UVRAG: variants seen among roughly 807,000 people sequenced by gnomAD.
UVRAG encodes UV radiation resistance-associated gene protein.
In UVRAG, 19 loss-of-function variants were observed where a neutral mutation model predicts 78.0. That is an observed-to-expected ratio of 0.24 (90% CI 0.17 to 0.36). The LOEUF (loss-of-function observed/expected upper bound fraction) is 0.36, where lower values mean the gene tolerates loss of function less well. UVRAG is among the 10% of genes least tolerant of loss of function. UVRAG has a pLI of 1.00. For missense variants in UVRAG, 740 were observed against 853.8 expected (o/e 0.87, Z 1.66); for synonymous variants, 323 against 324.6 (o/e 1.00, Z 0.05).
At chr11:76,046,917 A>G (rs900800929) in intron 12 of UVRAG, among the ~76,000 whole-genome samples, 14 of 79,380 alleles carry the variant, frequency 1.8e-4, no homozygotes, top group African/African-American at 7.6e-4. Flanking sequence ...TGTTTTTAGT[A>G]TCAGGCTTGT....
rs749323979 is a variant in UVRAG, at chr11:76,007,571, C to T, written c.949C>T (p.Arg317Cys). ...GAAGACTAATGCTCAGTTGACAATT[C>T]GTTGCAGGCAGTTACTCTCTGAGCT... Reference protein sequence around the residue: ...FLKTNAQLTIRCRQLLSELSY... With the variant: ...FLKTNAQLTICCRQLLSELSY... Residue 317 changes from arginine to cysteine, a missense_variant, in exon 10 of 15, where the codon CGT (arginine) becomes TGT (cysteine). Coordinates refer to ENST00000356136, the MANE Select transcript of UVRAG (RefSeq NM_003369.4). 8 of 1,613,836 alleles carry T rather than the reference C, an allele frequency of 5.0e-6. No individual in the cohort carries two copies. The highest frequency in any genetic ancestry group is 2.2e-5 in the East Asian group (1 of 44,844).
chr11:75,846,137 T>C (rs1301439397), intron 1 of UVRAG, among the ~76,000 whole-genome samples: 1 of 152,228 alleles, frequency 6.6e-6, no homozygotes, highest in Non-Finnish European at 1.5e-5. Flanking sequence ...AAAGCATTGA[T>C]ATTTATGCTA....
intron 13 of UVRAG, among the ~76,000 whole-genome samples, chr11:76,079,987 G>T (rs1591212227): frequency 6.6e-6 from 1 of 152,134 alleles, no homozygotes; most frequent in African/African-American, 2.4e-5. Flanking sequence ...ACGTCTGAGA[G>T]CATGGCACCA....
chr11:75,956,623 G>A (rs934559731), intron 6 of UVRAG, among the ~76,000 whole-genome samples: 4 of 151,858 alleles, frequency 2.6e-5, no homozygotes, highest in Non-Finnish European at 5.9e-5. Context: ...TGATCTCGTG[G>A]GTTCTTGCAA....
At chr11:76,037,891 A>T (rs939730791) in intron 12 of UVRAG, among the ~76,000 whole-genome samples, 1 of 152,180 alleles carries the variant, frequency 6.6e-6, no homozygotes, top group African/African-American at 2.4e-5. Flanking sequence ...AAGACTTGTG[A>T]ATATATAGTC....
chr11:76,018,319 C>G (rs1214317131), intron 12 of UVRAG, among the ~76,000 whole-genome samples: 1 of 148,420 alleles, frequency 6.7e-6, no homozygotes, highest in Non-Finnish European at 1.5e-5. Flanking sequence ...TTACTTGTTT[C>G]TTTAAAAAAA....
At chr11:76,137,593 A>AT in intron 14 of UVRAG, 1 of 392,416 alleles carries the variant, frequency 2.5e-6, no homozygotes, top group Non-Finnish European at 5.0e-6. Context: ...TAATTTCCTT[A>AT]CCATTCTTAA....
At chr11:76,060,368 G>A (rs1951059724) in intron 12 of UVRAG, among the ~76,000 whole-genome samples, 1 of 152,222 alleles carries the variant, frequency 6.6e-6, no homozygotes, top group Non-Finnish European at 1.5e-5. Context: ...ATCTTTCTTG[G>A]TTCCTGAAGG....
chr11:76,137,915 T>A (rs554878101), intron 14 of UVRAG, among the ~76,000 whole-genome samples: 25 of 151,810 alleles, frequency 1.6e-4, no homozygotes, highest in Admixed American at 6.6e-4. Flanking sequence ...TCTAAAAAAA[T>A]TTTTTTTTAA....
At chr11:75,952,370 G>T (rs1169299487) in intron 6 of UVRAG, among the ~76,000 whole-genome samples, 1 of 151,952 alleles carries the variant, frequency 6.6e-6, no homozygotes, top group Non-Finnish European at 1.5e-5. Context: ...GTAAGTATAG[G>T]ATTAGCTGTA....
intron 1 of UVRAG, among the ~76,000 whole-genome samples, chr11:75,845,006 G>A (rs1368296771): frequency 6.6e-6 from 1 of 152,126 alleles, no homozygotes; most frequent in South Asian, 2.1e-4. Context: ...TAAGTCTTGC[G>A]TTAGAATTTG....
intron 14 of UVRAG, among the ~76,000 whole-genome samples, chr11:76,120,138 A>G (rs1952249118): frequency 6.6e-6 from 1 of 152,224 alleles, no homozygotes; most frequent in African/African-American, 2.4e-5. Context: ...TTATGAACAC[A>G]GCAGCTTTAT....
At chr11:76,005,375 C>T (rs1949913840) in intron 9 of UVRAG, among the ~76,000 whole-genome samples, 1 of 152,034 alleles carries the variant, frequency 6.6e-6, no homozygotes, top group Non-Finnish European at 1.5e-5. Context: ...TATAGAAAAC[C>T]ATAGAGATTA....
chr11:76,023,414 G>C (rs536368961), intron 12 of UVRAG, among the ~76,000 whole-genome samples: 22 of 152,196 alleles, frequency 1.4e-4, no homozygotes, highest in African/African-American at 5.1e-4. Context: ...CCAGGCTTTA[G>C]GCAATCTGTT....
rs908415754 is a variant in UVRAG at position 76,144,061 on chromosome 11, C to T, written c.*2648C>T. ...AATATTAGTTTTGGAAGATTGTGCC[C>T]AGCTATATATTTTTTAGCAGTTCTA... is the stretch of plus-strand genomic sequence containing the variant. On this transcript the variant is annotated 3_prime_UTR_variant, in exon 15 of 15. Coordinates refer to ENST00000356136, the MANE Select transcript of UVRAG (RefSeq NM_003369.4). 6.6e-6 allele frequency among the ~76,000 whole-genome samples: 1 copy of T among 152,000 alleles called. No individual in the cohort carries two copies. The highest frequency in any genetic ancestry group is 2.4e-5 in the African/African-American group (1 of 41,388).
intron 13 of UVRAG, among the ~76,000 whole-genome samples, chr11:76,096,246 G>A (rs898652233): frequency 6.6e-6 from 1 of 152,158 alleles, no homozygotes; most frequent in African/African-American, 2.4e-5. Flanking sequence ...TATTTAACAT[G>A]GCTTTTTTGT....
At chr11:76,044,616 T>C (rs539362069) in intron 12 of UVRAG, among the ~76,000 whole-genome samples, 2 of 151,994 alleles carry the variant, frequency 1.3e-5, no homozygotes, top group South Asian at 4.2e-4. Flanking sequence ...TACTAAAATA[T>C]CAAAAACATT....
chr11:75,880,549 A>G (rs1202253187), intron 4 of UVRAG, among the ~76,000 whole-genome samples: 1 of 151,966 alleles, frequency 6.6e-6, no homozygotes, highest in Non-Finnish European at 1.5e-5. Context: ...TAGCTAGTAG[A>G]TTACAGTTCT....
intron 13 of UVRAG, among the ~76,000 whole-genome samples, chr11:76,094,817 T>A (rs1249673754): frequency 2.0e-5 from 3 of 152,180 alleles, no homozygotes; most frequent in Non-Finnish European, 4.4e-5. Context: ...GCTTGGAGCA[T>A]GTGGACAGGG....
Sources: gnomAD v4.1 joint callset for allele counts (sites outside exome capture counted in the v4.1 genomes callset) on GRCh38, gnomAD v4.1.1 for gene constraint, MANE v1.5 for transcripts, NCBI Gene and HGNC (gene_info 2026-07-23, HGNC 2026-07-21) for gene names.